CFAP20DC: variants seen among roughly 807,000 people sequenced by gnomAD.
CFAP20DC encodes protein CFAP20DC.
Under a neutral mutation model 101.7 loss-of-function variants are expected in CFAP20DC, and 84 were observed. The ratio of observed to expected loss-of-function variants is 0.83; its 90% CI spans 0.69 to 0.99. The LOEUF is 0.99. CFAP20DC is among the 50% of genes least tolerant of loss of function. The pLI, the probability that CFAP20DC is intolerant of heterozygous loss-of-function variation, is 0.00. For missense variants in CFAP20DC, 1,007 were observed against 970.3 expected (o/e 1.04, Z -0.50); for synonymous variants, 359 against 351.2 (o/e 1.02, Z -0.25).
At chr3:58,739,118 T>C (rs573946843), downstream of CFAP20DC, among the ~76,000 whole-genome samples, 1 of 152,336 alleles carries the variant, frequency 6.6e-6, no homozygotes, top group East Asian at 1.9e-4. Flanking sequence ...AAAGTGTCTA[T>C]GTATTATGAA....
chr3:58,806,517 C>G, intron 14 of CFAP20DC, 61 bp from the exon 15 acceptor site: 1 of 1,159,366 alleles, frequency 8.6e-7, no homozygotes, highest in Non-Finnish European at 1.3e-6. Context: ...CATAGACATT[C>G]ACATGCACTC....
In CFAP20DC at chr3:58,869,478, C is replaced by T. The variant is rs149329107; in HGVS notation, c.865G>A (p.Val289Ile). 2.7e-4 allele frequency: 435 copies of T among 1,609,088 alleles called. 6 individuals are homozygous for T. The Middle Eastern group carries it at 0.011, about 40-fold the overall frequency. ...CATGATCGGTTATTTTTGGACCCAA[C>T]GGATCTCACTGTCTGTAAAGGAATT... ...MKISSETVRS[V>I]GSKNNRSCQP... The change falls in exon 9 of 17, where the codon GTT (valine) becomes ATT (isoleucine). Residue 289 changes from valine to isoleucine, a missense_variant. Transcript: ENST00000482387. The surrounding 1 kb of genome is among the most constrained non-coding windows in gnomAD (Gnocchi z 4.3).
intron 15 of CFAP20DC, among the ~76,000 whole-genome samples, chr3:58,760,086 C>T (rs1268589071): frequency 1.3e-5 from 2 of 152,180 alleles, no homozygotes; most frequent in African/African-American, 4.8e-5. Flanking sequence ...TCATTGGTAG[C>T]TTGATGGGGA....
downstream of CFAP20DC, among the ~76,000 whole-genome samples, chr3:58,739,050 T>C (rs917796259): frequency 6.6e-6 from 1 of 152,200 alleles, no homozygotes; most frequent in African/African-American, 2.4e-5. Flanking sequence ...AAATGACTGA[T>C]TTAAATGAAA....
chr3:58,735,986 A>G (rs1469057803), intron 3 of CFAP20DC, among the ~76,000 whole-genome samples: 1 of 152,114 alleles, frequency 6.6e-6, no homozygotes, highest in East Asian at 1.9e-4. Context: ...TTTAACTTAA[A>G]TCAAATATCT....
intron 15 of CFAP20DC, among the ~76,000 whole-genome samples, chr3:58,781,804 T>C (rs2071856224): frequency 6.6e-6 from 1 of 151,862 alleles, no homozygotes; most frequent in South Asian, 2.1e-4. Context: ...AGTCTACCAA[T>C]GAAGAAAAGT....
chr3:58,816,791 G>C (rs963179921), intron 14 of CFAP20DC, among the ~76,000 whole-genome samples: 1 of 152,160 alleles, frequency 6.6e-6, no homozygotes, highest in Non-Finnish European at 1.5e-5. Context: ...GCCCACCACA[G>C]CTCAAGGAGG....
intron 15 of CFAP20DC, among the ~76,000 whole-genome samples, chr3:58,761,878 T>C (rs1338348393): frequency 6.6e-6 from 1 of 152,168 alleles, no homozygotes; most frequent in African/African-American, 2.4e-5. Flanking sequence ...GAGTTCTAGT[T>C]TGATTGCACT....
At chr3:58,773,993 A>AAT (rs1559571209) in intron 15 of CFAP20DC, among the ~76,000 whole-genome samples, 1 of 147,452 alleles carries the variant, frequency 6.8e-6, no homozygotes, top group South Asian at 2.1e-4. Context: ...TTCCTTTCAA[A>AAT]TTTTTTTTTT....
In CFAP20DC at chr3:59,029,026, A is replaced by G. The variant is rs563804319; in HGVS notation, c.278+10531T>C. 6.4e-4 allele frequency among the ~76,000 whole-genome samples: 97 copies of G among 152,270 alleles called. 2 individuals are homozygous for G. In the South Asian group the frequency reaches 0.02, roughly 31 times the overall value. ...CCCCCTAATACTTCATATGTTCCCC[A>G]CTGATCTTGCTCTTATGTTATCATA... On this transcript the variant is annotated intron_variant, in intron 4 of 16. Transcript: ENST00000482387.
intron 5 of CFAP20DC, among the ~76,000 whole-genome samples, chr3:58,931,944 G>A (rs1169999912): frequency 1.3e-5 from 2 of 152,190 alleles, no homozygotes; most frequent in Admixed American, 1.3e-4. Flanking sequence ...GACGAGTTGA[G>A]GAAGAAGGCT....
intron 15 of CFAP20DC, among the ~76,000 whole-genome samples, chr3:58,793,770 A>C (rs577302444): frequency 5.3e-5 from 8 of 152,288 alleles, no homozygotes; most frequent in Admixed American, 2.0e-4. Context: ...TGAAAGCAAT[A>C]CTGTGATTTT....
In CFAP20DC at chr3:58,884,531, G is replaced by T. The variant is rs765222117; in HGVS notation, c.715+14C>A. The T allele has an allele frequency of 1.5e-5, 24 of 1,612,158 alleles. No homozygotes were observed. Among genetic ancestry groups the T allele is most frequent in the Non-Finnish European group, 2.0e-5 (24 of 1,178,540 alleles). On this transcript the variant is annotated intron_variant, in intron 7 of 16. Coordinates refer to ENST00000482387, the MANE Select transcript of CFAP20DC (RefSeq NM_001394063.1). The stretch of plus-strand genomic sequence containing the variant: ...GACATATTACACTTATAATTTAGGT[G>T]CCTGAGTGTCTACCTGATTCTGCTG...
At chr3:58,934,028 G>T (rs1296307319) in intron 5 of CFAP20DC, among the ~76,000 whole-genome samples, 2 of 152,064 alleles carry the variant, frequency 1.3e-5, no homozygotes, top group African/African-American at 4.8e-5. Flanking sequence ...CCACTAGCAA[G>T]ACTAATAAAG....
At chr3:58,922,357 C>A (rs542822810) in intron 5 of CFAP20DC, among the ~76,000 whole-genome samples, 57 of 152,252 alleles carry the variant, frequency 3.7e-4, no homozygotes, top group Admixed American at 1.8e-3. Context: ...GTTATTGCTA[C>A]GGTTTGGATA....
At chr3:58,718,131 C>T (rs1344409375) in intron 3 of CFAP20DC, among the ~76,000 whole-genome samples, 1 of 152,096 alleles carries the variant, frequency 6.6e-6, no homozygotes, top group Non-Finnish European at 1.5e-5. Flanking sequence ...CAGCCAGGTT[C>T]CTTGGGTCCT....
intron 14 of CFAP20DC, among the ~76,000 whole-genome samples, chr3:58,826,848 C>T (rs2076072998): frequency 6.6e-6 from 1 of 152,010 alleles, no homozygotes; most frequent in South Asian, 2.1e-4. Flanking sequence ...GTAATTGAGC[C>T]AGAAGATAAC....
At chr3:58,854,881 C>A (rs1404261111) in intron 12 of CFAP20DC, among the ~76,000 whole-genome samples, 1 of 142,988 alleles carries the variant, frequency 7.0e-6, no homozygotes, top group African/African-American at 2.6e-5. Flanking sequence ...ACCATAAAAA[C>A]CCTAGAAGAA....
chr3:58,823,320 C>G (rs1288672806), intron 14 of CFAP20DC, among the ~76,000 whole-genome samples: 24 of 152,042 alleles, frequency 1.6e-4, no homozygotes, highest in Non-Finnish European at 5.9e-5. Flanking sequence ...AGGTAGCATC[C>G]TGTGAAAGCA....
Sources: allele counts gnomAD v4.1 joint callset (sites outside exome capture counted in the v4.1 genomes callset), GRCh38; gene constraint gnomAD v4.1.1; non-coding constraint Gnocchi (gnomAD v3.1); transcripts MANE v1.5; gene names NCBI Gene and HGNC (gene_info 2026-07-23, HGNC 2026-07-21).